The following H1-5 variants were observed in gnomAD, a reference collection of about 807,000 sequenced individuals.
H1-5 encodes histone H1.5.
A neutral mutation model predicts 4.6 loss-of-function variants in H1-5; 3 were observed. The ratio of observed to expected loss-of-function variants is 0.65; its 90% CI spans 0.30 to 1.68. The LOEUF is 1.68. Among genes scored for constraint, H1-5 ranks in the 40% most tolerant of loss-of-function variants. H1-5 has a pLI of 0.10. For missense variants in H1-5, 521 were observed against 287.9 expected, an observed-to-expected ratio of 1.81 and a Z score of -5.86; for synonymous variants, 250 against 123.4, an observed-to-expected ratio of 2.03 and a Z score of -6.80.
chr6:27,867,040 C>T lies in H1-5; in HGVS notation c.490G>A (p.Ala164Thr). 1 of 1,613,964 alleles carries T rather than the reference C, an allele frequency of 6.2e-7. No individual in the cohort carries two copies. Among genetic ancestry groups the T allele is most frequent in the East Asian group, 2.2e-5 (1 of 44,868 alleles). The change falls in exon 1 of 1, where the codon GCG becomes ACG. Residue 164 changes from alanine (A) to threonine (T), a missense_variant. By Grantham distance (58) the Ala-to-Thr change is moderately conservative (BLOSUM62 0). Coordinates refer to ENST00000331442, the MANE Select transcript of H1-5 (RefSeq NM_005322.3). ...KTPKKAKKPA[A>T]AGVKKVAKSP... ...TTCGCCACCTTTTTGACGCCAGCCG[C>T]CGCGGGCTTCTTCGCCTTCTTCGGA... is the stretch of plus-strand genomic sequence containing the variant.
chr6:27,867,031 C>A lies in H1-5; in HGVS notation c.499G>T (p.Val167Phe), dbSNP rs766329707. The A allele has an allele frequency of 3.1e-6, 5 of 1,613,952 alleles. No homozygotes were observed. Among genetic ancestry groups the A allele is most frequent in the Non-Finnish European group, 4.2e-6 (5 of 1,180,008 alleles). Residue 167 changes from valine to phenylalanine, a missense_variant, in exon 1 of 1, where the codon GTC (valine) becomes TTC (phenylalanine). Coordinates refer to ENST00000331442, the MANE Select transcript of H1-5 (RefSeq NM_005322.3). Reference protein sequence around the residue: ...KKAKKPAAAGVKKVAKSPKKA... With the variant: ...KKAKKPAAAGFKKVAKSPKKA... ...TTAGGGCTCTTCGCCACCTTTTTGA[C>A]GCCAGCCGCCGCGGGCTTCTTCGCC...
Position 27,866,991 on chromosome 6 carries a change from G to A in H1-5, c.539C>T (p.Ala180Val), listed in dbSNP as rs1025862705. The change falls in exon 1 of 1, where the codon GCT (alanine) becomes GTT (valine). Residue 180 changes from alanine to valine, a missense_variant. Physicochemically the swap from Ala to Val is moderately conservative, Grantham distance 64 (BLOSUM62 0). Transcript: ENST00000331442. ...CTTGGTTGCCTTTTTCGGTTTGGCA[G>A]CGGCCTTGGCCTTCTTAGGGCTCTT... ...VAKSPKKAKA[A>V]AKPKKATKSP... The A allele has an allele frequency of 9.9e-6, 16 of 1,614,240 alleles. No homozygotes were observed. Among genetic ancestry groups the A allele is most frequent in the East Asian group, 2.2e-5 (1 of 44,876 alleles).
At position 27,867,406 on chromosome 6, in the gene H1-5, G is replaced by A. The variant is rs563812606; in HGVS notation, c.124C>T (p.Pro42Ser). ...GAAKRKATGPPVSELITKAVA... is the reference protein window; with the variant it reads ...GAAKRKATGPSVSELITKAVA... ...GCCTTGGTGATCAGCTCTGAGACTG[G>A]GGGCCCCGTCGCTTTGCGCTTAGCA... The change falls in exon 1 of 1, where the codon CCA (proline) becomes TCA (serine). Residue 42 changes from proline (P) to serine (S), a missense_variant. Pro to Ser is a moderately conservative substitution (Grantham distance 74). Transcript: ENST00000331442. The A allele has an allele frequency of 6.2e-7, 1 of 1,613,954 alleles. No individual in the cohort carries two copies.
chr6:27,867,430 C>G lies in H1-5; in HGVS notation c.100G>C (p.Ala34Pro), dbSNP rs922702285. 4 of 1,610,044 alleles carry G rather than the reference C, an allele frequency of 2.5e-6. No individual in the cohort carries two copies. The highest frequency in any genetic ancestry group is 3.4e-6 in the Non-Finnish European group (4 of 1,178,666). Residue 34 changes from alanine (A) to proline (P), a missense_variant, in exon 1 of 1, where the codon GCT becomes CCT. Transcript: ENST00000331442. Reference sequence around the variant, plus strand: ...GGGGGCCCCGTCGCTTTGCGCTTAGCAGCGCCGGCGCCGGCAGCCTTCTTA... The same window carrying G: ...GGGGGCCCCGTCGCTTTGCGCTTAGGAGCGCCGGCGCCGGCAGCCTTCTTA... The part of the protein sequence containing the change: ...ATKKAAGAGA[A>P]KRKATGPPVS...
Position 27,867,444 on chromosome 6 carries a change from G to C in H1-5, c.86C>G (p.Ala29Gly). 3.1e-6 allele frequency: 5 copies of C among 1,609,118 alleles called. No individual in the cohort carries two copies. The highest frequency in any genetic ancestry group is 4.2e-6 in the Non-Finnish European group (5 of 1,177,820). Residue 29 changes from alanine (A) to glycine (G), a missense_variant, in exon 1 of 1, where the codon GCC (alanine) becomes GGC (glycine). Physicochemically the swap from Ala to Gly is moderately conservative, Grantham distance 60. Transcript: ENST00000331442. ...PAKKKATKKA[A>G]GAGAAKRKAT... ...TTTGCGCTTAGCAGCGCCGGCGCCG[G>C]CAGCCTTCTTAGTTGCCTTCTTCTT...
In H1-5 at chr6:27,867,353, G is replaced by A. The variant is rs200947; in HGVS notation, c.177C>T (p.Gly59=). ...KAVAASKERN[G]LSLAALKKAL... is the part of the protein sequence containing the mutation. ...CCTTCTTAAGGGCTGCCAAAGAAAG[G>A]CCATTGCGCTCCTTAGAAGCAGCCA... The change falls in exon 1 of 1, where the codon GGC becomes GGT. Residue 59 remains glycine, a synonymous_variant. Coordinates refer to ENST00000331442, the MANE Select transcript of H1-5 (RefSeq NM_005322.3). The A allele has an allele frequency of 3.1e-6, 5 of 1,614,128 alleles. No homozygotes were observed. The highest frequency in any genetic ancestry group is 2.2e-5 in the East Asian group (1 of 44,892).
Position 27,867,536 on chromosome 6 carries a change from A to G in H1-5, c.-7T>C. 1 of 1,535,636 alleles carries G rather than the reference A, an allele frequency of 6.5e-7. No homozygotes were observed. ...CAGGAGCGGTTTCCGACATGGTGGC[A>G]AGAAACTGCTAGAAGAGAATAAGCT... On this transcript the variant is annotated 5_prime_UTR_variant, in exon 1 of 1. Transcript: ENST00000331442.
rs1359940494 is a variant in H1-5, at chr6:27,867,422, G to C, written c.108C>G (p.Arg36=). The change falls in exon 1 of 1, where the codon CGC becomes CGG. Residue 36 remains arginine, a synonymous_variant. Coordinates refer to ENST00000331442, the MANE Select transcript of H1-5 (RefSeq NM_005322.3). ...CTGAGACTGGGGGCCCCGTCGCTTT[G>C]CGCTTAGCAGCGCCGGCGCCGGCAG... The part of the protein sequence containing the change: ...KKAAGAGAAK[R]KATGPPVSEL... The C allele has an allele frequency of 6.2e-7, 1 of 1,610,350 alleles. No homozygotes were observed. Among genetic ancestry groups the C allele is most frequent in the East Asian group, 2.2e-5 (1 of 44,816 alleles).
rs768117877 is a variant in H1-5, at chr6:27,867,021, A to G, written c.509T>C (p.Val170Ala). The G allele has an allele frequency of 6.2e-7, 1 of 1,613,782 alleles. No homozygotes were observed. Among genetic ancestry groups the G allele is most frequent in the Admixed American group, 1.7e-5 (1 of 59,972 alleles). ...CTTGGCCTTCTTAGGGCTCTTCGCC[A>G]CCTTTTTGACGCCAGCCGCCGCGGG... ...KKPAAAGVKKVAKSPKKAKAA... is the reference protein window; with the variant it reads ...KKPAAAGVKKAAKSPKKAKAA... The change falls in exon 1 of 1, where the codon GTG (valine) becomes GCG (alanine). Residue 170 changes from valine to alanine, a missense_variant. Transcript: ENST00000331442.
At position 27,866,899 on chromosome 6, in the gene H1-5, C is replaced by G. The variant is rs34144478; in HGVS notation, c.631G>C (p.Ala211Pro). 3 of 1,608,022 alleles carry G rather than the reference C, an allele frequency of 1.9e-6. No individual in the cohort carries two copies. The highest frequency in any genetic ancestry group is 2.5e-6 in the Non-Finnish European group (3 of 1,178,344). ...TTGGCCTTTGCAGCTTTAGGTTTTG[C>G]TGCTTTGGGCTTAGCGGCTTTGGGC... ...AKPKAAKPKA[A>P]KPKAAKAKKA... The change falls in exon 1 of 1, where the codon GCA becomes CCA. Residue 211 changes from alanine to proline, a missense_variant. Ala to Pro is a conservative substitution (Grantham distance 27, BLOSUM62 -1). Coordinates refer to ENST00000331442, the MANE Select transcript of H1-5 (RefSeq NM_005322.3).
Position 27,867,425 on chromosome 6 carries a change from C to G in H1-5, c.105G>C (p.Lys35Asn). Residue 35 changes from lysine to asparagine, a missense_variant, in exon 1 of 1, where the codon AAG becomes AAC. Lys to Asn is a moderately conservative substitution (Grantham distance 94, BLOSUM62 0). Coordinates refer to ENST00000331442, the MANE Select transcript of H1-5 (RefSeq NM_005322.3). ...AGACTGGGGGCCCCGTCGCTTTGCG[C>G]TTAGCAGCGCCGGCGCCGGCAGCCT... The part of the protein sequence containing the change: ...TKKAAGAGAA[K>N]RKATGPPVSE... The G allele has an allele frequency of 2.5e-6, 4 of 1,611,276 alleles. No homozygotes were observed. Among genetic ancestry groups the G allele is most frequent in the Non-Finnish European group, 3.4e-6 (4 of 1,178,790 alleles).
At position 27,866,995 on chromosome 6, in the gene H1-5, C is replaced by G; in HGVS notation, c.535G>C (p.Ala179Pro). ...GTTGCCTTTTTCGGTTTGGCAGCGG[C>G]CTTGGCCTTCTTAGGGCTCTTCGCC... The part of the protein sequence containing the change: ...KVAKSPKKAK[A>P]AAKPKKATKS... The change falls in exon 1 of 1, where the codon GCC becomes CCC. Residue 179 changes from alanine (A) to proline (P), a missense_variant. Coordinates refer to ENST00000331442, the MANE Select transcript of H1-5 (RefSeq NM_005322.3). 1.2e-6 allele frequency: 2 copies of G among 1,614,236 alleles called. No individual in the cohort carries two copies. The highest frequency in any genetic ancestry group is 1.7e-6 in the Non-Finnish European group (2 of 1,180,050).
rs751421359 is a variant in H1-5, at chr6:27,867,574, A to C, written c.-45T>G. The C allele has an allele frequency of 3.3e-6, 5 of 1,505,496 alleles. No individual in the cohort carries two copies. The highest frequency in any genetic ancestry group is 2.7e-6 in the Non-Finnish European group (3 of 1,126,442). The allele number at this position is 1,505,496 out of a possible 1,614,324, so 93.3% of individuals were successfully genotyped here. A position where few individuals can be genotyped will look rare whatever the true frequency, so the allele number is the denominator to read the frequency against. ...AAGAGAATAAGCTCGAAATCTAAAGAGCAGGTTTTGCGTTGCTGCTATGCT... is the reference window on the plus strand; with the variant it reads ...AAGAGAATAAGCTCGAAATCTAAAGCGCAGGTTTTGCGTTGCTGCTATGCT... On this transcript the variant is annotated 5_prime_UTR_variant, in exon 1 of 1. Coordinates refer to ENST00000331442, the MANE Select transcript of H1-5 (RefSeq NM_005322.3).
chr6:27,866,901 G>A lies in H1-5; in HGVS notation c.629C>T (p.Ala210Val). Residue 210 changes from alanine to valine, a missense_variant, in exon 1 of 1, where the codon GCA becomes GTA. Transcript: ENST00000331442. ...AAKPKAAKPKAAKPKAAKAKK... is the reference protein window; with the variant it reads ...AAKPKAAKPKVAKPKAAKAKK... ...GGCCTTTGCAGCTTTAGGTTTTGCTGCTTTGGGCTTAGCGGCTTTGGGCTT... is the reference window on the plus strand; with the variant it reads ...GGCCTTTGCAGCTTTAGGTTTTGCTACTTTGGGCTTAGCGGCTTTGGGCTT... The A allele has an allele frequency of 1.9e-6, 3 of 1,612,156 alleles. No individual in the cohort carries two copies. The highest frequency in any genetic ancestry group is 1.7e-6 in the Non-Finnish European group (2 of 1,179,380).
Position 27,867,194 on chromosome 6 carries a change from C to A in H1-5, c.336G>T (p.Lys112Asn). The change falls in exon 1 of 1, where the codon AAG (lysine) becomes AAT (asparagine). Residue 112 changes from lysine to asparagine, a missense_variant. Transcript: ENST00000331442. ...GCTTGGCTTCCCCGGAGGCCGCCTTCTTGTTGAGTTTAAAGGAGCCAGAAG... is the reference window on the plus strand; with the variant it reads ...GCTTGGCTTCCCCGGAGGCCGCCTTATTGTTGAGTTTAAAGGAGCCAGAAG... ...TGASGSFKLN[K>N]KAASGEAKPK... The A allele has an allele frequency of 6.2e-7, 1 of 1,614,238 alleles. No homozygotes were observed. The highest frequency in any genetic ancestry group is 8.5e-7 in the Non-Finnish European group (1 of 1,180,034).
In H1-5 at chr6:27,867,347, A is replaced by G. The variant is rs537612548; in HGVS notation, c.183T>C (p.Ser61=). ...VAASKERNGL[S]LAALKKALAA... is the part of the protein sequence containing the mutation. ...CTAAGGCCTTCTTAAGGGCTGCCAA[A>G]GAAAGGCCATTGCGCTCCTTAGAAG... is the stretch of plus-strand genomic sequence containing the variant. The change falls in exon 1 of 1, where the codon TCT becomes TCC. Residue 61 remains serine (S), a synonymous_variant. Coordinates refer to ENST00000331442, the MANE Select transcript of H1-5 (RefSeq NM_005322.3). 1.4e-5 allele frequency: 23 copies of G among 1,614,240 alleles called. No individual in the cohort carries two copies. The Admixed American group carries it at 3.2e-4, about 22-fold the overall frequency.
At position 27,867,057 on chromosome 6, in the gene H1-5, T is replaced by C; in HGVS notation, c.473A>G (p.Lys158Arg). 1.2e-6 allele frequency: 2 copies of C among 1,613,718 alleles called. No individual in the cohort carries two copies. Among genetic ancestry groups the C allele is most frequent in the Non-Finnish European group, 1.7e-6 (2 of 1,179,880 alleles). ...GCCAGCCGCCGCGGGCTTCTTCGCC[T>C]TCTTCGGAGTCTTCTTCACTGCCTT... ...AKKAVKKTPK[K>R]AKKPAAAGVK... Residue 158 changes from lysine (K) to arginine (R), a missense_variant, in exon 1 of 1, where the codon AAG becomes AGG. Lys to Arg is a conservative substitution (Grantham distance 26). Coordinates refer to ENST00000331442, the MANE Select transcript of H1-5 (RefSeq NM_005322.3).
chr6:27,866,798 G>C lies in H1-5; in HGVS notation c.*51C>G. 1 of 1,444,394 alleles carries C rather than the reference G, an allele frequency of 6.9e-7. No homozygotes were observed. Among genetic ancestry groups the C allele is most frequent in the Non-Finnish European group, 9.3e-7 (1 of 1,074,750 alleles). The allele number at this position is 1,444,394 out of a possible 1,614,324, so 89.5% of individuals were successfully genotyped here. A position where few individuals can be genotyped will look rare whatever the true frequency, so the allele number is the denominator to read the frequency against. Reference sequence around the variant, plus strand: ...GCCATTTTTTAGAGGTCTCTGGGTGGCTCTGAAAAGAGCCTTTGGGGCTTT... The same window carrying C: ...GCCATTTTTTAGAGGTCTCTGGGTGCCTCTGAAAAGAGCCTTTGGGGCTTT... On this transcript the variant is annotated 3_prime_UTR_variant, in exon 1 of 1. Transcript: ENST00000331442.
chr6:27,867,161 G>C lies in H1-5; in HGVS notation c.369C>G (p.Ala123=). Residue 123 remains alanine, a synonymous_variant, in exon 1 of 1, where the codon GCC becomes GCG. Transcript: ENST00000331442. ...KAASGEAKPK[A]KKAGAAKAKK... is the part of the protein sequence containing the mutation. ...TAGCTTTAGCGGCGCCTGCCTTCTTGGCTTTGGGCTTGGCTTCCCCGGAGG... is the reference window on the plus strand; with the variant it reads ...TAGCTTTAGCGGCGCCTGCCTTCTTCGCTTTGGGCTTGGCTTCCCCGGAGG... The C allele has an allele frequency of 6.2e-7, 1 of 1,614,122 alleles. No homozygotes were observed. Among genetic ancestry groups the C allele is most frequent in the Non-Finnish European group, 8.5e-7 (1 of 1,180,022 alleles).
Sources: gnomAD v4.1 joint callset for allele counts on GRCh38, gnomAD v4.1.1 for gene constraint, MANE v1.5 for transcripts, NCBI Gene and HGNC (gene_info 2026-07-23, HGNC 2026-07-21) for gene names.